The following PDE7B variants were observed in gnomAD, a reference collection of about 807,000 sequenced individuals.
The protein encoded by PDE7B is phosphodiesterase 7B, also known as 3',5'-cyclic-AMP phosphodiesterase 7B.
Under a neutral mutation model 56.2 loss-of-function variants are expected in PDE7B, and 29 were observed. That is an observed-to-expected ratio of 0.52 (90% CI 0.38 to 0.70). PDE7B has a LOEUF of 0.70. PDE7B is among the 30% of genes least tolerant of loss of function. The pLI is 0.00. For synonymous variants in PDE7B, 197 were observed against 196.9 expected (o/e 1.00, Z 0.00); for missense variants, 490 against 565.0 (o/e 0.87, Z 1.35).
intron 1 of PDE7B, among the ~76,000 whole-genome samples, chr6:135,871,225 C>G (rs889799473): frequency 6.6e-6 from 1 of 152,160 alleles, no homozygotes; most frequent in African/African-American, 2.4e-5. Flanking sequence ...ATATATTTTA[C>G]TTTACATGAA....
intron 3 of PDE7B, among the ~76,000 whole-genome samples, chr6:136,144,927 C>A (rs1172194805): frequency 6.6e-6 from 1 of 151,966 alleles, no homozygotes; most frequent in African/African-American, 2.4e-5. Flanking sequence ...AAGATGATGC[C>A]CCCTCCACAT....
intron 2 of PDE7B, among the ~76,000 whole-genome samples, chr6:135,992,362 T>C (rs1775493814): frequency 6.6e-6 from 1 of 152,240 alleles, no homozygotes; most frequent in Non-Finnish European, 1.5e-5. Flanking sequence ...CATAGCAGTC[T>C]CTTAGATATA....
At chr6:136,185,993 C>T (rs1208309132) in intron 11 of PDE7B, among the ~76,000 whole-genome samples, 1 of 151,820 alleles carries the variant, frequency 6.6e-6, no homozygotes, top group Non-Finnish European at 1.5e-5. Context: ...AAGTTTTGTA[C>T]AATACATTTC....
chr6:135,934,412 A>G (rs896171480), intron 1 of PDE7B, among the ~76,000 whole-genome samples: 2 of 151,970 alleles, frequency 1.3e-5, no homozygotes, highest in Non-Finnish European at 2.9e-5. Flanking sequence ...TTGTCAGTGA[A>G]AAAAGCTGCT....
chr6:136,089,413 T>G (rs1460950612), intron 2 of PDE7B, among the ~76,000 whole-genome samples: 1 of 152,206 alleles, frequency 6.6e-6, no homozygotes, highest in Non-Finnish European at 1.5e-5. Flanking sequence ...AAGAGAAGAC[T>G]ACAAACAAGT....
chr6:135,931,310 A>G (rs539923930), intron 1 of PDE7B, among the ~76,000 whole-genome samples: 1 of 152,284 alleles, frequency 6.6e-6, no homozygotes, highest in South Asian at 2.1e-4. Flanking sequence ...ATATTCTTTG[A>G]TTATCCAATG....
intron 2 of PDE7B, among the ~76,000 whole-genome samples, chr6:135,995,547 G>A (rs1775550952): frequency 6.6e-6 from 1 of 152,010 alleles, no homozygotes; most frequent in South Asian, 2.1e-4. Flanking sequence ...GGACAAATGG[G>A]AAGTTGGTCT....
At chr6:136,080,366 T>G (rs1200667036) in intron 2 of PDE7B, among the ~76,000 whole-genome samples, 1 of 152,092 alleles carries the variant, frequency 6.6e-6, no homozygotes, top group Non-Finnish European at 1.5e-5. Context: ...TCACAATTTC[T>G]TATTCTTCCT....
chr6:135,875,417 T>A (rs1006825249), intron 1 of PDE7B, among the ~76,000 whole-genome samples: 1 of 152,058 alleles, frequency 6.6e-6, no homozygotes, highest in African/African-American at 2.4e-5. Flanking sequence ...AATAAAAATA[T>A]AAATAAATTT....
At chr6:136,164,386 T>C (rs1377785581) in intron 8 of PDE7B, among the ~76,000 whole-genome samples, 1 of 152,114 alleles carries the variant, frequency 6.6e-6, no homozygotes, top group Non-Finnish European at 1.5e-5. Flanking sequence ...GTATGGATTA[T>C]AGGAACTACA....
chr6:136,158,709 A>G (rs540038152), intron 8 of PDE7B, among the ~76,000 whole-genome samples: 8 of 152,308 alleles, frequency 5.3e-5, no homozygotes, highest in African/African-American at 1.9e-4. Flanking sequence ...AACCAAGTTC[A>G]ATATGAAGGC....
chr6:136,142,775 C>T (rs1263145462), intron 3 of PDE7B, among the ~76,000 whole-genome samples: 1 of 151,948 alleles, frequency 6.6e-6, no homozygotes, highest in Non-Finnish European at 1.5e-5. Flanking sequence ...GATTGCAACC[C>T]CTGCCTTTTT....
Position 135,866,897 on chromosome 6 carries a change from C to T in PDE7B, c.21+14878C>T, listed in dbSNP as rs117929006. On this transcript the variant is annotated intron_variant, in intron 1 of 12. Transcript: ENST00000308191. ...CCCTAGAGTAAGCTTAGCTATGCTA[C>T]GGTAAAATTCTGGTCTAGTTATGTA... is the stretch of plus-strand genomic sequence containing the variant. Among the ~76,000 whole-genome samples the T allele has an allele frequency of 8.2e-3, 1,244 of 152,234 alleles. 13 individuals carry two copies. The highest frequency in any genetic ancestry group is 0.02 in the Middle Eastern group (6 of 294).
chr6:136,051,266 C>T (rs1276214395), intron 2 of PDE7B, among the ~76,000 whole-genome samples: 1 of 152,060 alleles, frequency 6.6e-6, no homozygotes, highest in Non-Finnish European at 1.5e-5. Context: ...TATTTGGCCT[C>T]ACAGGAAACA....
intron 11 of PDE7B, among the ~76,000 whole-genome samples, chr6:136,182,403 A>C: frequency 6.6e-6 from 1 of 152,224 alleles, no homozygotes; most frequent in Non-Finnish European, 1.5e-5. Context: ...AAACATGATG[A>C]AATTGGAGCT....
chr6:136,105,990 A>G (rs1436815661), intron 2 of PDE7B, among the ~76,000 whole-genome samples: 1 of 152,232 alleles, frequency 6.6e-6, no homozygotes, highest in Non-Finnish European at 1.5e-5. Flanking sequence ...TTACAGCAAC[A>G]GGTCAACAAA....
chr6:136,112,802 G>C (rs969639740), intron 3 of PDE7B, among the ~76,000 whole-genome samples: 11 of 152,022 alleles, frequency 7.2e-5, no homozygotes, highest in Non-Finnish European at 1.6e-4. Context: ...TTATTTTTGC[G>C]GGGAGGGGAA....
intron 1 of PDE7B, among the ~76,000 whole-genome samples, chr6:135,911,114 G>T (rs1776204957): frequency 6.6e-6 from 1 of 152,120 alleles, no homozygotes; most frequent in Non-Finnish European, 1.5e-5. Context: ...TATAAAAAGG[G>T]ATTCAGTAAT....
In PDE7B at chr6:136,194,450, A is replaced by G. The variant is rs1309015815; in HGVS notation, c.*2610A>G. The G allele has an allele frequency of 2.0e-5, 3 of 152,236 alleles. No homozygotes were observed. Among genetic ancestry groups the G allele is most frequent in the Non-Finnish European group, 4.4e-5 (3 of 68,044 alleles). The allele number at this position is 152,236 out of a possible 1,614,324, so 9.4% of individuals were successfully genotyped here. ...ATAAAAATCTGAAGTAAAATGAGGC[A>G]TAAACTTGATGCAGCTGCCTCCCTC... On this transcript the variant is annotated 3_prime_UTR_variant, in exon 13 of 13. Transcript: ENST00000308191.
Sources: gnomAD v4.1 joint callset for allele counts (sites outside exome capture counted in the v4.1 genomes callset) on GRCh38, gnomAD v4.1.1 for gene constraint, MANE v1.5 for transcripts, NCBI Gene and HGNC (gene_info 2026-07-23, HGNC 2026-07-21) for gene names.